The following PTH2R variants were observed in gnomAD, a reference collection of about 807,000 sequenced individuals.
The protein encoded by PTH2R is PTH2 receptor.
Under a neutral mutation model 60.3 loss-of-function variants are expected in PTH2R, and 59 were observed. That is an observed-to-expected ratio of 0.98 (90% CI 0.79 to 1.22). The LOEUF is 1.22. Ranked by LOEUF, PTH2R falls within the 50% of genes most tolerant of loss-of-function variation. The pLI, the probability that PTH2R is intolerant of heterozygous loss-of-function variation, is 0.00. For missense variants in PTH2R, 749 were observed against 682.6 expected (o/e 1.10, Z -1.08); for synonymous variants, 256 against 243.8 (o/e 1.05, Z -0.47).
chr2:208,482,600 C>T (rs952855040), intron 10 of PTH2R, among the ~76,000 whole-genome samples: 2 of 152,126 alleles, frequency 1.3e-5, no homozygotes, highest in Non-Finnish European at 2.9e-5. Flanking sequence ...CTTTCCATAA[C>T]CTATTATTAG....
At chr2:208,452,350 A>G (rs1702422787) in intron 8 of PTH2R, among the ~76,000 whole-genome samples, 1 of 152,258 alleles carries the variant, frequency 6.6e-6, no homozygotes, top group South Asian at 2.1e-4. Context: ...TAAGTGCTAA[A>G]TACTTGTTAG....
upstream of PTH2R, among the ~76,000 whole-genome samples, chr2:208,405,395 G>A (rs531679876): frequency 3.4e-4 from 52 of 152,086 alleles, no homozygotes; most frequent in Admixed American, 6.5e-4. Flanking sequence ...AAAACCCTCC[G>A]CACTGATCAA....
At chr2:208,477,953 C>CTACTAGT (rs1559231905) in intron 9 of PTH2R, among the ~76,000 whole-genome samples, 13 of 29,844 alleles carry the variant, frequency 4.4e-4, no homozygotes, top group African/African-American at 7.3e-4. Flanking sequence ...GTAGTACTAG[C>CTACTAGT]ACTACTACTA....
At chr2:208,478,926 T>G (rs909191699) in intron 9 of PTH2R, among the ~76,000 whole-genome samples, 1 of 152,182 alleles carries the variant, frequency 6.6e-6, no homozygotes, top group South Asian at 2.1e-4. Flanking sequence ...AGTCAATTCA[T>G]TTACCATAGT....
intron 8 of PTH2R, among the ~76,000 whole-genome samples, chr2:208,458,992 A>G (rs1702577146): frequency 6.9e-6 from 1 of 144,136 alleles, no homozygotes. Flanking sequence ...GCTGGGTTGA[A>G]TGGTAGTTCT....
At chr2:208,402,244 A>C (rs1701323675), upstream of PTH2R, among the ~76,000 whole-genome samples, 1 of 152,102 alleles carries the variant, frequency 6.6e-6, no homozygotes, top group Non-Finnish European at 1.5e-5. Context: ...TTTTCTCACT[A>C]TCCTGGAAGA....
chr2:208,486,452 T>G (rs973933766), intron 10 of PTH2R, among the ~76,000 whole-genome samples: 1 of 152,226 alleles, frequency 6.6e-6, no homozygotes, highest in African/African-American at 2.4e-5. Context: ...AATTTCACAA[T>G]GTGCTACACT....
In PTH2R at chr2:208,444,785, T is replaced by G. The variant is rs1472682044; in HGVS notation, c.751T>G (p.Tyr251Asp). ...VMFIYFLATN[Y>D]YWILVEGLYL... ...GTTTATTTACTTCCTGGCTACAAAT[T>G]ATTATTGGATCCTGGTGGAAGGTCT... The change falls in exon 7 of 13, where the codon TAT becomes GAT. Residue 251 changes from tyrosine to aspartate, a missense_variant. Coordinates refer to ENST00000272847, the MANE Select transcript of PTH2R (RefSeq NM_005048.4). 1 of 1,613,934 alleles carries G rather than the reference T, an allele frequency of 6.2e-7. No homozygotes were observed. Among genetic ancestry groups the G allele is most frequent in the Non-Finnish European group, 8.5e-7 (1 of 1,179,882 alleles).
chr2:208,452,236 A>G (rs1157725782), intron 8 of PTH2R, among the ~76,000 whole-genome samples: 2 of 152,166 alleles, frequency 1.3e-5, no homozygotes, highest in Non-Finnish European at 2.9e-5. Context: ...TCAGCTGTCA[A>G]ATGCAGTTAA....
intron 9 of PTH2R, among the ~76,000 whole-genome samples, chr2:208,478,778 C>T (rs1026908942): frequency 1.3e-5 from 2 of 152,052 alleles, no homozygotes; most frequent in Non-Finnish European, 2.9e-5. Flanking sequence ...TGGATCCAGG[C>T]CGCATGGGCT....
intron 9 of PTH2R, among the ~76,000 whole-genome samples, chr2:208,462,005 T>C (rs1453904085): frequency 1.3e-5 from 2 of 152,218 alleles, no homozygotes; most frequent in African/African-American, 4.8e-5. Context: ...AATTCTGAAG[T>C]ACTTTTCCTA....
chr2:208,455,479 TTTCTTCC>T (rs1165604672), intron 8 of PTH2R, among the ~76,000 whole-genome samples: 1 of 152,216 alleles, frequency 6.6e-6, no homozygotes, highest in Non-Finnish European at 1.5e-5. Context: ...AATATTCCAC[TTTCTTCC>T]TAACTTATCA....
At chr2:208,481,345 G>T (rs151061792) in intron 10 of PTH2R, among the ~76,000 whole-genome samples, 181 bp downstream of exon 10, 1 of 151,650 alleles carries the variant, frequency 6.6e-6, no homozygotes, top group African/African-American at 2.4e-5. Context: ...CGAGTAGCTG[G>T]GATTACAGGT....
intron 2 of PTH2R, among the ~76,000 whole-genome samples, chr2:208,435,976 G>A (rs1331261249): frequency 1.3e-5 from 2 of 152,192 alleles, no homozygotes; most frequent in African/African-American, 4.8e-5. Flanking sequence ...TGGAAGTTCA[G>A]TTCATCACTA....
intron 8 of PTH2R, among the ~76,000 whole-genome samples, chr2:208,452,276 T>C (rs1702421296): frequency 6.6e-6 from 1 of 152,180 alleles, no homozygotes; most frequent in South Asian, 2.1e-4. Context: ...AGAGTTGTTG[T>C]TGTAAGAATA....
chr2:208,463,922 GT>G, intron 9 of PTH2R, among the ~76,000 whole-genome samples: 2 of 152,284 alleles, frequency 1.3e-5, no homozygotes, highest in East Asian at 3.9e-4. Flanking sequence ...ATTACAGAAT[GT>G]CCACTCTCCT....
At chr2:208,407,147 T>C in intron 1 of PTH2R, 29 bp downstream of exon 1, 1 of 1,400,860 alleles carries the variant, frequency 7.1e-7, no homozygotes, top group South Asian at 1.8e-5. Context: ...CGACACCTGT[T>C]TTCGCGGAGC....
chr2:208,426,615 T>C (rs1175480706), intron 1 of PTH2R, among the ~76,000 whole-genome samples: 1 of 152,150 alleles, frequency 6.6e-6, no homozygotes, highest in Non-Finnish European at 1.5e-5. Context: ...TGGGGGCGGT[T>C]TCCCCCATGC....
At chr2:208,388,786 C>T (rs1312909728) in intron 1 of PTH2R, among the ~76,000 whole-genome samples, 1 of 152,200 alleles carries the variant, frequency 6.6e-6, no homozygotes, top group Non-Finnish European at 1.5e-5. Flanking sequence ...TGCAAATTCA[C>T]TGCCCATATC....
Sources: gnomAD v4.1 joint callset for allele counts (sites outside exome capture counted in the v4.1 genomes callset) on GRCh38, gnomAD v4.1.1 for gene constraint, MANE v1.5 for transcripts, NCBI Gene and HGNC (gene_info 2026-07-23, HGNC 2026-07-21) for gene names.